Variants in REEP3 observed in about 807,000 individuals in gnomAD.
REEP3 encodes the protein receptor accessory protein 3.
Under a neutral mutation model 41.3 loss-of-function variants are expected in REEP3, and 20 were observed. The ratio of observed to expected loss-of-function variants is 0.48; its 90% CI spans 0.34 to 0.70. The LOEUF is 0.70. Ranked by LOEUF, REEP3 falls within the 30% of genes least tolerant of loss-of-function variation. The probability of loss-of-function intolerance (pLI) is 0.01; values close to 1 mark genes in which losing one functional copy is unlikely to be tolerated. For missense variants in REEP3, 271 were observed against 308.8 expected (o/e 0.88, Z 0.92); for synonymous variants, 104 against 101.8 (o/e 1.02, Z -0.13).
At chr10:63,614,293 C>T (rs1375940458) in intron 6 of REEP3, among the ~76,000 whole-genome samples, 1 of 152,160 alleles carries the variant, frequency 6.6e-6, no homozygotes, top group Non-Finnish European at 1.5e-5. Flanking sequence ...TCTATTGCTG[C>T]ATAATAAGCC....
rs1956099068 is a variant in REEP3 at position 63,594,838 on chromosome 10, G to A, written c.166G>A (p.Asp56Asn). Residue 56 changes from aspartate (D) to asparagine (N), a missense_variant, in exon 3 of 8, where the codon GAT becomes AAT. By Grantham distance (23) the Asp-to-Asn change is conservative. Transcript: ENST00000373758. ...CTATACTGTGATTGAAACAGTAGCC[G>A]ATCAAACAGTTGCTTGGTAAGTTTT... is the stretch of plus-strand genomic sequence containing the variant. ...ALYTVIETVADQTVAWFPLYY... is the reference protein window; with the variant it reads ...ALYTVIETVANQTVAWFPLYY... The A allele has an allele frequency of 6.8e-6, 11 of 1,609,480 alleles. No individual in the cohort carries two copies. The highest frequency in any genetic ancestry group is 2.2e-5 in the South Asian group (2 of 90,960).
intron 1 of REEP3, among the ~76,000 whole-genome samples, chr10:63,522,483 A>G (rs989885454): frequency 2.3e-4 from 35 of 152,202 alleles, no homozygotes; most frequent in African/African-American, 8.4e-4. Context: ...CGATTAAAAA[A>G]AAAGTCACCA....
chr10:63,594,669 C>A, intron 2 of REEP3, 109 bp from the exon 3 acceptor site: 1 of 734,474 alleles, frequency 1.4e-6, no homozygotes, highest in Non-Finnish European at 2.4e-6. Flanking sequence ...GAAATACATA[C>A]ATAATATGAA....
chr10:63,589,674 C>T (rs1956040206), intron 2 of REEP3, among the ~76,000 whole-genome samples: 1 of 151,846 alleles, frequency 6.6e-6, no homozygotes. Flanking sequence ...TGTTCTTGAA[C>T]CTTGCACACA....
chr10:63,620,769 A>C, intron 7 of REEP3, 44 bp from the exon 8 acceptor site: 1 of 1,300,658 alleles, frequency 7.7e-7, no homozygotes, highest in Non-Finnish European at 1.1e-6. Flanking sequence ...TAATTTTTTA[A>C]AGTAATCATC....
At chr10:63,575,076 G>A (rs560519098) in intron 2 of REEP3, among the ~76,000 whole-genome samples, 83 of 151,938 alleles carry the variant, frequency 5.5e-4, no homozygotes, top group African/African-American at 2.0e-3. Flanking sequence ...AGCTGGTCTC[G>A]AACTCCTGAC....
intron 1 of REEP3, among the ~76,000 whole-genome samples, chr10:63,559,076 G>A (rs1017728516): frequency 6.6e-6 from 1 of 152,072 alleles, no homozygotes; most frequent in Admixed American, 6.5e-5. Flanking sequence ...TCTTGCATAA[G>A]TGTGGTCATA....
intron 6 of REEP3, among the ~76,000 whole-genome samples, chr10:63,617,099 C>T (rs182946310): frequency 2.2e-4 from 33 of 152,098 alleles, no homozygotes; most frequent in African/African-American, 7.0e-4. Flanking sequence ...TTCTTCCAAG[C>T]AATCCCCAAG....
intron 1 of REEP3, among the ~76,000 whole-genome samples, chr10:63,565,829 T>G (rs933543763): frequency 1.3e-5 from 2 of 152,126 alleles, no homozygotes; most frequent in African/African-American, 4.8e-5. Flanking sequence ...GAAGTCAATT[T>G]TTTCAAAAAA....
intron 1 of REEP3, among the ~76,000 whole-genome samples, chr10:63,534,000 G>A (rs970527652): frequency 5.9e-5 from 9 of 151,752 alleles, no homozygotes; most frequent in Non-Finnish European, 8.8e-5. Flanking sequence ...GACCCACCGC[G>A]CTTGCCCTGG....
chr10:63,584,752 G>T (rs934618558), intron 2 of REEP3, among the ~76,000 whole-genome samples: 1 of 152,186 alleles, frequency 6.6e-6, no homozygotes, highest in African/African-American at 2.4e-5. Flanking sequence ...TCTCTCTGTT[G>T]TCTCTGAAAT....
chr10:63,547,111 G>C (rs981229256), intron 1 of REEP3, among the ~76,000 whole-genome samples: 1 of 151,782 alleles, frequency 6.6e-6, no homozygotes, highest in Non-Finnish European at 1.5e-5. Flanking sequence ...TAGTAGAGGC[G>C]GGGTTTCACC....
intron 2 of REEP3, among the ~76,000 whole-genome samples, chr10:63,571,116 G>T (rs1240545653): frequency 6.6e-6 from 1 of 152,076 alleles, no homozygotes; most frequent in Non-Finnish European, 1.5e-5. Context: ...GAGACCATCG[G>T]GTGGGGTAGT....
chr10:63,610,389 C>A, intron 6 of REEP3, 55 bp downstream of exon 6: 3 of 1,503,032 alleles, frequency 2.0e-6, no homozygotes, highest in Non-Finnish European at 2.7e-6. Flanking sequence ...GGGAGGGGAA[C>A]AACATACACT....
At chr10:63,617,886 G>A (rs534066929) in intron 6 of REEP3, among the ~76,000 whole-genome samples, 1 of 139,526 alleles carries the variant, frequency 7.2e-6, no homozygotes, top group East Asian at 2.2e-4. Flanking sequence ...GTGCAGTGGT[G>A]CAATCTCAGC....
chr10:63,581,940 G>C (rs1955958103), intron 2 of REEP3, among the ~76,000 whole-genome samples: 1 of 151,188 alleles, frequency 6.6e-6, no homozygotes, highest in African/African-American at 2.4e-5. Context: ...ATGAAACTAA[G>C]GGTACATTTT....
Position 63,623,429 on chromosome 10 carries a change from C to G in REEP3, c.*2560C>G, listed in dbSNP as rs1181844497. 1 of 152,028 alleles carries G rather than the reference C, an allele frequency of 6.6e-6. No individual in the cohort carries two copies. Among genetic ancestry groups the G allele is most frequent in the Non-Finnish European group, 1.5e-5 (1 of 68,014 alleles). The allele number at this position is 152,028 out of a possible 1,614,324, so 9.4% of individuals were successfully genotyped here. On this transcript the variant is annotated 3_prime_UTR_variant, in exon 8 of 8. Transcript: ENST00000373758. ...AAAAGAGGTAAATGTATCCATAGAC[C>G]ACAGTGCCTTGCTTTTTCCTCTGCC...
intron 1 of REEP3, among the ~76,000 whole-genome samples, chr10:63,565,171 A>T (rs1955785676): frequency 6.6e-6 from 1 of 152,206 alleles, no homozygotes; most frequent in South Asian, 2.1e-4. Flanking sequence ...GAGGCAGGAG[A>T]ATTGCTTGTC....
chr10:63,579,201 T>C (rs947468450), intron 2 of REEP3, among the ~76,000 whole-genome samples: 2 of 152,012 alleles, frequency 1.3e-5, no homozygotes, highest in Non-Finnish European at 2.9e-5. Context: ...CCAGATAATT[T>C]TGTATTCTTA....
Sources: allele counts gnomAD v4.1 joint callset (sites outside exome capture counted in the v4.1 genomes callset), GRCh38; gene constraint gnomAD v4.1.1; transcripts MANE v1.5; gene names NCBI Gene and HGNC (gene_info 2026-07-23, HGNC 2026-07-21).